Variants in BLTP3A observed in about 807,000 individuals in gnomAD.
BLTP3A encodes the protein ICBP90 binding protein 1.
chr6:34,823,448 T>C, the BLTP3A span: 1 of 930,116 alleles, frequency 1.1e-6, no homozygotes, highest in South Asian at 1.5e-5. Flanking sequence ...TTTTCAAACT[T>C]ACACTAAAGT....
At chr6:34,864,666 T>C in the BLTP3A span, among the ~76,000 whole-genome samples, 4 of 151,952 alleles carry the variant, frequency 2.6e-5, no homozygotes, top group Non-Finnish European at 5.9e-5. Context: ...ACTTAGGAAA[T>C]GATCCTTTAA....
chr6:34,855,746 A>G, the BLTP3A span: 10 of 1,611,262 alleles, frequency 6.2e-6, no homozygotes, highest in Non-Finnish European at 7.6e-6. Flanking sequence ...CATAGCCCAA[A>G]ATATTGAGGG....
At chr6:34,834,061 C>G in the BLTP3A span, among the ~76,000 whole-genome samples, 2 of 151,870 alleles carry the variant, frequency 1.3e-5, no homozygotes, top group South Asian at 4.1e-4. Context: ...GTGATCATGC[C>G]GCTGTACTCC....
the BLTP3A span, among the ~76,000 whole-genome samples, chr6:34,833,015 T>C: frequency 6.6e-6 from 1 of 152,238 alleles, no homozygotes; most frequent in Admixed American, 6.5e-5. Flanking sequence ...GGGACTTTGT[T>C]TCCTTCATTC....
At chr6:34,857,299 T>C in the BLTP3A span, 1 of 1,613,150 alleles carries the variant, frequency 6.2e-7, no homozygotes, top group African/African-American at 1.3e-5. Context: ...GTTTGATTGT[T>C]GATACTAACA....
the BLTP3A span, among the ~76,000 whole-genome samples, chr6:34,813,123 C>T: frequency 8.6e-3 from 1,307 of 152,234 alleles, 20 homozygotes; most frequent in African/African-American, 0.029. Flanking sequence ...GAGCTGAAGT[C>T]GACTGACTGT....
At chr6:34,844,618 T>C in the BLTP3A span, among the ~76,000 whole-genome samples, 2 of 152,356 alleles carry the variant, frequency 1.3e-5, no homozygotes, top group East Asian at 3.9e-4. Context: ...TCCATGATAT[T>C]GAGCACTTTT....
chr6:34,819,470 T>C, the BLTP3A span, among the ~76,000 whole-genome samples: 11 of 152,204 alleles, frequency 7.2e-5, no homozygotes, highest in Admixed American at 3.3e-4. Flanking sequence ...CTAAGAGATA[T>C]GTGGGCCAGC....
chr6:34,857,698 T>C, the BLTP3A span: 2 of 1,603,200 alleles, frequency 1.2e-6, no homozygotes, highest in Non-Finnish European at 8.5e-7. Context: ...TTACAGGATG[T>C]TTCTTTTCTT....
chr6:34,814,200 A>C, the BLTP3A span, among the ~76,000 whole-genome samples: 1 of 152,050 alleles, frequency 6.6e-6, no homozygotes, highest in East Asian at 1.9e-4. Flanking sequence ...TTTTTAGTAG[A>C]GATGAGGTTT....
the BLTP3A span, chr6:34,792,308 C>T: frequency 6.5e-7 from 1 of 1,539,606 alleles, no homozygotes. Flanking sequence ...AGAGCGCCAG[C>T]GCCGGCCCCC....
chr6:34,834,668 T>G, the BLTP3A span: 2 of 1,590,972 alleles, frequency 1.3e-6, no homozygotes, highest in Non-Finnish European at 1.7e-6. Flanking sequence ...ACTTCTTGCT[T>G]CTTGGTTAAT....
chr6:34,870,560 C>T, the BLTP3A span, among the ~76,000 whole-genome samples: 5 of 152,152 alleles, frequency 3.3e-5, no homozygotes, highest in African/African-American at 1.2e-4. Context: ...GCCATTAGCC[C>T]ACTGTCTCAC....
chr6:34,829,794 C>A, the BLTP3A span, among the ~76,000 whole-genome samples: 1 of 151,864 alleles, frequency 6.6e-6, no homozygotes, highest in Non-Finnish European at 1.5e-5. Flanking sequence ...GCCACTGCTA[C>A]CATACCTAGC....
chr6:34,792,316 C>T, the BLTP3A span: 1 of 1,538,834 alleles, frequency 6.5e-7, no homozygotes, highest in Non-Finnish European at 8.8e-7. Context: ...AGCGCCGGCC[C>T]CCGGCGGTCC....
chr6:34,849,113 C>T, the BLTP3A span, among the ~76,000 whole-genome samples: 1 of 152,044 alleles, frequency 6.6e-6, no homozygotes, highest in Non-Finnish European at 1.5e-5. Context: ...ATTCTTGTGC[C>T]TCAGCCTCCT....
the BLTP3A span, among the ~76,000 whole-genome samples, chr6:34,854,249 A>G: frequency 6.6e-6 from 1 of 152,128 alleles, no homozygotes; most frequent in Non-Finnish European, 1.5e-5. Context: ...AAAAATTTTT[A>G]ATTGTTTTTC....
At chr6:34,864,241 AG>A in the BLTP3A span, 1 of 1,584,590 alleles carries the variant, frequency 6.3e-7, no homozygotes, top group South Asian at 1.1e-5. Flanking sequence ...AAGTCCAGAA[AG>A]GGTTCTCTCT....
At chr6:34,820,271 C>G in the BLTP3A span, among the ~76,000 whole-genome samples, 1 of 152,020 alleles carries the variant, frequency 6.6e-6, no homozygotes, top group African/African-American at 2.4e-5. Context: ...CCCTATCTTG[C>G]TCATTTTTAA....
Sources: gnomAD v4.1 joint callset for allele counts (sites outside exome capture counted in the v4.1 genomes callset) on GRCh38, gnomAD v4.1.1 for gene constraint, MANE v1.5 for transcripts, NCBI Gene and HGNC (gene_info 2026-07-23, HGNC 2026-07-21) for gene names.